TDP1: variants seen among roughly 807,000 people sequenced by gnomAD.
TDP1 encodes tyr-DNA phosphodiesterase 1.
In TDP1, 64 loss-of-function variants were observed where a neutral mutation model predicts 81.5. The ratio of observed to expected loss-of-function variants is 0.79; its 90% CI spans 0.64 to 0.97. The LOEUF is 0.97. Among genes scored for constraint, TDP1 ranks in the 50% least tolerant of loss-of-function variants. TDP1 has a pLI of 0.00. For synonymous variants in TDP1, 256 were observed against 264.3 expected, an observed-to-expected ratio of 0.97 and a Z score of 0.30; for missense variants, 723 against 743.8, an observed-to-expected ratio of 0.97 and a Z score of 0.33.
chr14:89,974,913 A>G (rs535008153), intron 6 of TDP1, among the ~76,000 whole-genome samples: 4 of 152,222 alleles, frequency 2.6e-5, no homozygotes, highest in African/African-American at 7.2e-5. Flanking sequence ...ATTAGATAAC[A>G]TGTTTTCTAT....
intron 15 of TDP1, among the ~76,000 whole-genome samples, chr14:90,025,658 A>G (rs1886563934): frequency 6.6e-6 from 1 of 152,174 alleles, no homozygotes; most frequent in Non-Finnish European, 1.5e-5. Context: ...CAATTATGTA[A>G]TGTTTTCTGG....
chr14:89,964,116 C>G (rs962755759), intron 3 of TDP1, among the ~76,000 whole-genome samples: 1 of 152,170 alleles, frequency 6.6e-6, no homozygotes, highest in Admixed American at 6.5e-5. Context: ...ATCCTGCAGT[C>G]TGTGTTTTCA....
At chr14:90,000,913 C>T (rs1181697106) in intron 14 of TDP1, among the ~76,000 whole-genome samples, 1 of 152,218 alleles carries the variant, frequency 6.6e-6, no homozygotes, top group Non-Finnish European at 1.5e-5. Context: ...AACCCCGCAG[C>T]ATGACTGCTT....
intron 7 of TDP1, among the ~76,000 whole-genome samples, chr14:89,976,379 C>A (rs1303878644): frequency 6.6e-6 from 1 of 152,124 alleles, no homozygotes; most frequent in South Asian, 2.1e-4. Flanking sequence ...GGATTACAGG[C>A]ATGAGCCCCT....
chr14:90,021,634 T>C (rs1886101081), intron 15 of TDP1, among the ~76,000 whole-genome samples: 1 of 152,232 alleles, frequency 6.6e-6, no homozygotes, highest in South Asian at 2.1e-4. Context: ...GAAATAATCA[T>C]TTGGAATCCC....
chr14:89,991,750 T>A, intron 12 of TDP1, 167 bp from the exon 13 acceptor site: 1 of 772,612 alleles, frequency 1.3e-6, no homozygotes, highest in Non-Finnish European at 1.6e-6. Context: ...AGAACATATC[T>A]AGTGCAACTA....
intron 6 of TDP1, among the ~76,000 whole-genome samples, chr14:89,974,563 G>C (rs1894041779): frequency 1.3e-5 from 2 of 152,170 alleles, no homozygotes; most frequent in African/African-American, 4.8e-5. Flanking sequence ...TTTCACCCAT[G>C]TCATGTGGTA....
chr14:89,975,661 A>C, intron 6 of TDP1, 120 bp from the exon 7 acceptor site: 1 of 987,562 alleles, frequency 1.0e-6, no homozygotes, highest in Non-Finnish European at 1.6e-6. Context: ...CTTGCCTGGT[A>C]GAGATCAGTA....
rs1566862561 is a variant in TDP1 at position 89,976,554 on chromosome 14, T to TTTTTTTTTTG, written c.791+740_791+741insTTTTTTTTGT. 1.6e-4 allele frequency among the ~76,000 whole-genome samples: 22 copies of TTTTTTTTTTG among 141,844 alleles called. 1 individual carries two copies. Among genetic ancestry groups the TTTTTTTTTTG allele is most frequent in the African/African-American group, 5.7e-4 (21 of 36,858 alleles). 93.1% of individuals were successfully genotyped at this position (141,844 alleles called of 152,430 possible). On this transcript the variant is annotated intron_variant, in intron 7 of 16. Coordinates refer to ENST00000335725, the MANE Select transcript of TDP1 (RefSeq NM_018319.4). Reference sequence around the variant, plus strand: ...TTTTTTTTTTTTTTTTTTTTTTTTTTTAGACAGAGTCTCGCTCTGTTGCCC... The same window carrying TTTTTTTTTTG: ...TTTTTTTTTTTTTTTTTTTTTTTTTTTTTTTTTTTGTAGACAGAGTCTCGCTCTGTTGCCC...
At chr14:89,971,445 T>A (rs35984607) in intron 6 of TDP1, among the ~76,000 whole-genome samples, 174 bp downstream of exon 6, 88 of 152,338 alleles carry the variant, frequency 5.8e-4, no homozygotes, top group African/African-American at 2.0e-3. Flanking sequence ...CCATTCATAG[T>A]ACTCCTCAGG....
chr14:90,032,913 G>A, intron 15 of TDP1, 193 bp from the exon 16 acceptor site: 2 of 950,550 alleles, frequency 2.1e-6, no homozygotes, highest in Non-Finnish European at 2.5e-6. Flanking sequence ...AAGCTCTTAT[G>A]TTTAGAAAGG....
intron 7 of TDP1, among the ~76,000 whole-genome samples, 190 bp downstream of exon 7, chr14:89,976,005 T>TGG (rs1894265189): frequency 6.6e-6 from 1 of 152,212 alleles, no homozygotes; most frequent in Non-Finnish European, 1.5e-5. Flanking sequence ...CCTTTTAATT[T>TGG]TATAGATCAG....
chr14:89,998,410 ATATATATATATATGTATG>A (rs1382423617), intron 14 of TDP1, among the ~76,000 whole-genome samples: 8 of 105,866 alleles, frequency 7.6e-5, no homozygotes, highest in South Asian at 2.9e-4. Context: ...ATATATATAT[ATATATATATATATGTATG>A]TATGTATGTA....
At chr14:89,990,635 C>T (rs1896082245) in intron 12 of TDP1, among the ~76,000 whole-genome samples, 1 of 114,518 alleles carries the variant, frequency 8.7e-6, no homozygotes, top group Non-Finnish European at 1.8e-5. Context: ...CTTTGGTACT[C>T]TTTTTGTGCC....
intron 15 of TDP1, among the ~76,000 whole-genome samples, chr14:90,025,662 T>G (rs951894710): frequency 2.6e-5 from 4 of 152,238 alleles, no homozygotes; most frequent in African/African-American, 9.7e-5. Context: ...TATGTAATGT[T>G]TTCTGGGTTG....
In TDP1 at chr14:90,018,958, A is replaced by G. The variant is rs188090591; in HGVS notation, c.1542-358A>G. 9.8e-4 allele frequency: 954 copies of G among 975,520 alleles called. 1 individual carries two copies. Among genetic ancestry groups the G allele is most frequent in the Non-Finnish European group, 1.1e-3 (891 of 827,062 alleles). The allele number at this position is 975,520 out of a possible 1,614,324, so 60.4% of individuals were successfully genotyped here. ...AAGATAATATTAACTTTCTTCTTAAATGCTAGTTTTATGTACAACAAAACC... is the reference window on the plus strand; with the variant it reads ...AAGATAATATTAACTTTCTTCTTAAGTGCTAGTTTTATGTACAACAAAACC... On this transcript the variant is annotated intron_variant, in intron 14 of 16. Transcript: ENST00000335725.
At chr14:89,962,873 CAAAAAAAAAAAGGAA>C in intron 2 of TDP1, 1 of 718,886 alleles carries the variant, frequency 1.4e-6, no homozygotes, top group Non-Finnish European at 1.7e-6. Flanking sequence ...GACCCTGTTT[CAAAAAAAAAAAGGAA>C]GAAAAAAGAA....
At chr14:89,994,708 C>G (rs1475322439) in intron 14 of TDP1, among the ~76,000 whole-genome samples, 1 of 152,180 alleles carries the variant, frequency 6.6e-6, no homozygotes, top group African/African-American at 2.4e-5. Context: ...AGTGGAAGCA[C>G]TGTTAGAAAT....
chr14:89,968,648 G>A (rs1261408892), intron 5 of TDP1, among the ~76,000 whole-genome samples: 1 of 152,210 alleles, frequency 6.6e-6, no homozygotes, highest in African/African-American at 2.4e-5. Context: ...AAGGAGGAGA[G>A]AATGGCTGTC....
Sources: allele counts gnomAD v4.1 joint callset (sites outside exome capture counted in the v4.1 genomes callset), GRCh38; gene constraint gnomAD v4.1.1; transcripts MANE v1.5; gene names NCBI Gene and HGNC (gene_info 2026-07-23, HGNC 2026-07-21).